Variants in MCF2L2 observed in about 807,000 individuals in gnomAD.
The protein encoded by MCF2L2 is probable guanine nucleotide exchange factor MCF2L2.
A neutral mutation model predicts 150.2 loss-of-function variants in MCF2L2; 102 were observed. That is an observed-to-expected ratio of 0.68 (90% CI 0.58 to 0.80). The LOEUF is 0.80. MCF2L2 is among the 30% of genes least tolerant of loss of function. The probability of loss-of-function intolerance (pLI) is 0.00; values close to 1 mark genes in which losing one functional copy is unlikely to be tolerated. For missense variants in MCF2L2, 1,256 were observed against 1,372.8 expected (o/e 0.91, Z 1.34); for synonymous variants, 465 against 491.3 (o/e 0.95, Z 0.71).
Position 183,181,462 on chromosome 3 carries a change from G to T in MCF2L2, c.3017-1303C>A, listed in dbSNP as rs1721519211. Among the ~76,000 whole-genome samples the T allele has an allele frequency of 6.6e-6, 1 of 152,054 alleles. No individual in the cohort carries two copies. Among genetic ancestry groups the T allele is most frequent in the Non-Finnish European group, 1.5e-5 (1 of 68,002 alleles). Reference sequence around the variant, plus strand: ...GTTCCTAGTCCCAGGAGGTGGGAGGGGCAAGGGGTGGAGGGCAGAGGAGAA... The same window carrying T: ...GTTCCTAGTCCCAGGAGGTGGGAGGTGCAAGGGGTGGAGGGCAGAGGAGAA... On this transcript the variant is annotated intron_variant, in intron 27 of 29. Transcript: ENST00000328913. This position sits in a 1 kb window ranked among gnomAD's most constrained non-coding sequence, Gnocchi z 4.3.
At chr3:183,280,423 T>A (rs1727405719) in intron 14 of MCF2L2, among the ~76,000 whole-genome samples, 1 of 152,214 alleles carries the variant, frequency 6.6e-6, no homozygotes, top group Non-Finnish European at 1.5e-5. Flanking sequence ...AAATTGTTTT[T>A]TTTTTCTTCC....
At chr3:183,350,630 C>T (rs1241593642) in intron 3 of MCF2L2, among the ~76,000 whole-genome samples, 3 of 152,116 alleles carry the variant, frequency 2.0e-5, no homozygotes, top group East Asian at 3.9e-4. Context: ...AGAGGCCGGG[C>T]GCGGGGGCTC....
At chr3:183,425,967 CA>C (rs1245476964) in intron 1 of MCF2L2, among the ~76,000 whole-genome samples, 69 of 148,698 alleles carry the variant, frequency 4.6e-4, no homozygotes, top group Non-Finnish European at 3.0e-5. Flanking sequence ...AAAAAAAAAA[CA>C]AAAAAGATGA....
At chr3:183,333,911 G>T (rs1031191182) in intron 5 of MCF2L2, among the ~76,000 whole-genome samples, 1 of 150,284 alleles carries the variant, frequency 6.7e-6, no homozygotes, top group African/African-American at 2.5e-5. Flanking sequence ...ATCAGAGCAT[G>T]CCTGAGAGGG....
chr3:183,325,536 AG>A (rs1729989213), intron 5 of MCF2L2, among the ~76,000 whole-genome samples: 1 of 152,204 alleles, frequency 6.6e-6, no homozygotes, highest in African/African-American at 2.4e-5. Flanking sequence ...AGTTTTTAAA[AG>A]GTATTTATTC....
chr3:183,288,904 A>G (rs1485030108), intron 14 of MCF2L2, among the ~76,000 whole-genome samples: 3 of 152,214 alleles, frequency 2.0e-5, no homozygotes, highest in Non-Finnish European at 4.4e-5. Flanking sequence ...AATCACATAC[A>G]TGACCAAATA....
chr3:183,260,347 TAAG>T (rs1198449450), intron 15 of MCF2L2, among the ~76,000 whole-genome samples: 2 of 152,030 alleles, frequency 1.3e-5, no homozygotes, highest in Non-Finnish European at 2.9e-5. Flanking sequence ...AGAAGTTTCT[TAAG>T]TAGGCAAGAA....
chr3:183,270,607 A>T lies in MCF2L2; in HGVS notation c.1862+6265T>A. The T allele has an allele frequency of 6.2e-7, 1 of 1,614,214 alleles. No homozygotes were observed. Among genetic ancestry groups the T allele is most frequent in the Non-Finnish European group, 8.5e-7 (1 of 1,180,050 alleles). ...GGTGATGTAGCTGCCAAAGTCTATG[A>T]GGCATCACAGACACTAAATTCAAGT... On this transcript the variant is annotated intron_variant, in intron 15 of 29. Coordinates refer to ENST00000328913, the MANE Select transcript of MCF2L2 (RefSeq NM_015078.4). This position sits in a 1 kb window ranked among gnomAD's most constrained non-coding sequence, Gnocchi z 4.5.
chr3:183,270,789 G>C lies in MCF2L2; in HGVS notation c.1862+6083C>G, dbSNP rs1726699128. 6.2e-7 allele frequency: 1 copy of C among 1,614,006 alleles called. No individual in the cohort carries two copies. The highest frequency in any genetic ancestry group is 8.5e-7 in the Non-Finnish European group (1 of 1,179,994). Reference sequence around the variant, plus strand: ...TCATGGACACTTAGAAGATCTCCAGGACCTTTGGAAGAATGCTACAGATCC... The same window carrying C: ...TCATGGACACTTAGAAGATCTCCAGCACCTTTGGAAGAATGCTACAGATCC... On this transcript the variant is annotated intron_variant, in intron 15 of 29. Transcript: ENST00000328913. This position sits in a 1 kb window ranked among gnomAD's most constrained non-coding sequence, Gnocchi z 4.5.
intron 1 of MCF2L2, among the ~76,000 whole-genome samples, chr3:183,415,124 G>A (rs1395486941): frequency 6.6e-6 from 1 of 151,858 alleles, no homozygotes; most frequent in Non-Finnish European, 1.5e-5. Flanking sequence ...CTGCCTGTTT[G>A]TTCTACACAT....
intron 1 of MCF2L2, among the ~76,000 whole-genome samples, chr3:183,411,630 T>A (rs1049198590): frequency 6.6e-6 from 1 of 151,750 alleles, no homozygotes; most frequent in African/African-American, 2.4e-5. Flanking sequence ...TTTTTTTTTT[T>A]AATAGGGAAC....
chr3:183,331,687 A>C (rs1298279631), intron 5 of MCF2L2, among the ~76,000 whole-genome samples: 1 of 152,122 alleles, frequency 6.6e-6, no homozygotes, highest in Non-Finnish European at 1.5e-5. Flanking sequence ...GGCTGCTATG[A>C]GTACAGCTGT....
At chr3:183,220,113 C>A (rs1318318133) in intron 20 of MCF2L2, among the ~76,000 whole-genome samples, 189 bp from the exon 21 acceptor site, 1 of 152,220 alleles carries the variant, frequency 6.6e-6, no homozygotes, top group African/African-American at 2.4e-5. Flanking sequence ...AACCTAGAAT[C>A]ATATTGTACA....
chr3:183,270,087 G>A lies in MCF2L2; in HGVS notation c.1862+6785C>T. 6.2e-7 allele frequency: 1 copy of A among 1,614,164 alleles called. No individual in the cohort carries two copies. The highest frequency in any genetic ancestry group is 8.5e-7 in the Non-Finnish European group (1 of 1,180,038). ...CCTCCTTTTACTGTTTGTAAAAACT[G>A]CTCCTGAAAACTATGATCGACGTTC... On this transcript the variant is annotated intron_variant, in intron 15 of 29. Coordinates refer to ENST00000328913, the MANE Select transcript of MCF2L2 (RefSeq NM_015078.4). The surrounding 1 kb of genome is among the most constrained non-coding windows in gnomAD (Gnocchi z 4.5).
chr3:183,424,004 T>C (rs1251637186), intron 1 of MCF2L2, among the ~76,000 whole-genome samples: 1 of 152,170 alleles, frequency 6.6e-6, no homozygotes, highest in Non-Finnish European at 1.5e-5. Flanking sequence ...ATCAAAATCC[T>C]AGAGCAATCT....
intron 1 of MCF2L2, among the ~76,000 whole-genome samples, chr3:183,397,511 C>T (rs1714530338): frequency 6.6e-6 from 1 of 152,190 alleles, no homozygotes; most frequent in African/African-American, 2.4e-5. Flanking sequence ...AATACCATCA[C>T]CTCGGGGGTT....
chr3:183,261,897 C>T (rs576091703), intron 15 of MCF2L2, among the ~76,000 whole-genome samples: 3 of 146,596 alleles, frequency 2.0e-5, no homozygotes, highest in Non-Finnish European at 4.5e-5. Flanking sequence ...TGTTTTTCAG[C>T]TATGTAGAAC....
intron 5 of MCF2L2, among the ~76,000 whole-genome samples, chr3:183,329,975 A>G (rs1730200799): frequency 6.6e-6 from 1 of 152,038 alleles, no homozygotes; most frequent in Admixed American, 6.6e-5. Context: ...TGGCTCACAT[A>G]TGTAATCCCA....
rs76020104 is a variant in MCF2L2 at position 183,322,087 on chromosome 3, C to A, written c.603+1148G>T. Reference sequence around the variant, plus strand: ...TCATGACTTAATACATCCCAAAAGCCCCCTCCTCTTAATGCTATCACATTA... The same window carrying A: ...TCATGACTTAATACATCCCAAAAGCACCCTCCTCTTAATGCTATCACATTA... On this transcript the variant is annotated intron_variant, in intron 6 of 29. Coordinates refer to ENST00000328913, the MANE Select transcript of MCF2L2 (RefSeq NM_015078.4). 3.6e-4 allele frequency among the ~76,000 whole-genome samples: 55 copies of A among 152,346 alleles called. No individual in the cohort carries two copies. The East Asian group carries it at 9.6e-3, about 27-fold the overall frequency.
Sources: gnomAD v4.1 joint callset for allele counts (sites outside exome capture counted in the v4.1 genomes callset) on GRCh38, gnomAD v4.1.1 for gene constraint, Gnocchi (gnomAD v3.1) non-coding constraint, MANE v1.5 for transcripts, NCBI Gene and HGNC (gene_info 2026-07-23, HGNC 2026-07-21) for gene names.